B3GAT2: variants seen among roughly 807,000 people sequenced by gnomAD.
B3GAT2 encodes galactosylgalactosylxylosylprotein 3-beta-glucuronosyltransferase 2.
Under a neutral mutation model 27.8 loss-of-function variants are expected in B3GAT2, and 26 were observed. The ratio of observed to expected loss-of-function variants is 0.93; its 90% CI spans 0.68 to 1.30. The LOEUF (loss-of-function observed/expected upper bound fraction) is 1.30, where lower values mean the gene tolerates loss of function less well. Ranked by LOEUF, B3GAT2 falls within the 50% of genes most tolerant of loss-of-function variation. The pLI, the probability that B3GAT2 is intolerant of heterozygous loss-of-function variation, is 0.00. For synonymous variants in B3GAT2, 218 were observed against 195.1 expected (o/e 1.12, Z -0.98); for missense variants, 458 against 459.0 (o/e 1.00, Z 0.02).
intron 2 of B3GAT2, among the ~76,000 whole-genome samples, chr6:70,893,710 T>A (rs1199770077): frequency 6.6e-6 from 1 of 152,172 alleles, no homozygotes; most frequent in Non-Finnish European, 1.5e-5. Flanking sequence ...AATTTTTATA[T>A]CATTGTTAAA....
chr6:70,920,137 G>A lies in B3GAT2; in HGVS notation c.592-25865C>T, dbSNP rs142179557. Among the ~76,000 whole-genome samples the A allele has an allele frequency of 5.0e-3, 754 of 152,220 alleles. 3 individuals carry two copies. Among genetic ancestry groups the A allele is most frequent in the Non-Finnish European group, 8.1e-3 (548 of 67,996 alleles). On this transcript the variant is annotated intron_variant, in intron 1 of 3. Coordinates refer to ENST00000230053, the MANE Select transcript of B3GAT2 (RefSeq NM_080742.3). Reference sequence around the variant, plus strand: ...TCAAGCCTCAGCAATGGTGGACGCCGCTCCCCACCCACCAAGCTCCAGCAT... The same window carrying A: ...TCAAGCCTCAGCAATGGTGGACGCCACTCCCCACCCACCAAGCTCCAGCAT...
intron 2 of B3GAT2, among the ~76,000 whole-genome samples, chr6:70,874,967 T>C (rs893501381): frequency 1.2e-4 from 18 of 151,636 alleles, no homozygotes; most frequent in African/African-American, 4.4e-4. Context: ...CAAATTGATA[T>C]ACTACAATAC....
intron 1 of B3GAT2, among the ~76,000 whole-genome samples, chr6:70,924,164 T>C (rs1048540391): frequency 1.8e-4 from 27 of 152,068 alleles, no homozygotes; most frequent in African/African-American, 6.5e-4. Context: ...ATTTAAAAAA[T>C]AAAACCTACC....
At chr6:70,899,681 A>G (rs521116) in intron 1 of B3GAT2, among the ~76,000 whole-genome samples, 78,989 of 151,986 alleles carry the variant, frequency 0.52, 20,774 homozygotes, top group Middle Eastern at 0.64. Context: ...CTCGACCACT[A>G]TACTATATAG....
intron 1 of B3GAT2, among the ~76,000 whole-genome samples, chr6:70,936,614 CA>C (rs1251292623): frequency 1.3e-5 from 2 of 152,128 alleles, no homozygotes; most frequent in Non-Finnish European, 2.9e-5. Context: ...CAAAACCGCT[CA>C]GCTACATGGA....
intron 1 of B3GAT2, among the ~76,000 whole-genome samples, chr6:70,894,491 C>A (rs1381235980): frequency 6.6e-6 from 1 of 152,128 alleles, no homozygotes; most frequent in African/African-American, 2.4e-5. Flanking sequence ...GGCTAGGGCT[C>A]AAGGTTTAGG....
intron 1 of B3GAT2, among the ~76,000 whole-genome samples, chr6:70,908,410 C>T (rs1376095510): frequency 6.6e-6 from 1 of 152,098 alleles, no homozygotes; most frequent in African/African-American, 2.4e-5. Context: ...CGCTAAAATG[C>T]TATGGTGTTG....
chr6:70,953,350 C>A (rs911021259), intron 1 of B3GAT2, among the ~76,000 whole-genome samples: 17 of 152,168 alleles, frequency 1.1e-4, no homozygotes, highest in Non-Finnish European at 2.2e-4. Flanking sequence ...AATAAACCTA[C>A]GGATTTCCAA....
intron 2 of B3GAT2, among the ~76,000 whole-genome samples, chr6:70,866,097 C>G (rs1290892061): frequency 6.6e-6 from 1 of 152,180 alleles, no homozygotes; most frequent in East Asian, 1.9e-4. Flanking sequence ...AGAGCAAATG[C>G]TCACACAACT....
intron 3 of B3GAT2, 33 bp downstream of exon 3, chr6:70,861,797 C>T: frequency 3.7e-6 from 6 of 1,614,062 alleles, no homozygotes; most frequent in Non-Finnish European, 4.2e-6. Context: ...CATGGTGACA[C>T]TCGAGGTCGG....
intron 1 of B3GAT2, among the ~76,000 whole-genome samples, chr6:70,944,746 C>T (rs1392742032): frequency 2.6e-5 from 4 of 152,188 alleles, no homozygotes; most frequent in Non-Finnish European, 5.9e-5. Context: ...AGCTGGAGAT[C>T]TGAGAACAGG....
At chr6:70,947,367 C>G (rs572762884) in intron 1 of B3GAT2, among the ~76,000 whole-genome samples, 3 of 151,900 alleles carry the variant, frequency 2.0e-5, no homozygotes, top group Non-Finnish European at 4.4e-5. Context: ...AGAGAAAAAT[C>G]AAATAGACAC....
Position 70,955,753 on chromosome 6 carries a change from A to T in B3GAT2, c.591+86T>A. The stretch of plus-strand genomic sequence containing the variant: ...ACTGAGAACTCAAAAGTGCACCCGG[A>T]GTGCAAGGGGCGTGTGACTGCAGCC... On this transcript the variant is annotated intron_variant, in intron 1 of 3. Transcript: ENST00000230053. The T allele has an allele frequency of 2.2e-6, 3 of 1,382,344 alleles. No individual in the cohort carries two copies. The South Asian group carries it at 4.4e-5, about 20-fold the overall frequency. The allele number at this position is 1,382,344 out of a possible 1,614,324, so 85.6% of individuals were successfully genotyped here.
At chr6:70,887,469 C>T (rs2150028833) in intron 2 of B3GAT2, among the ~76,000 whole-genome samples, 1 of 152,244 alleles carries the variant, frequency 6.6e-6, no homozygotes, top group Middle Eastern at 3.4e-3. Flanking sequence ...GCCTGGTAAA[C>T]TTGTAGCGGG....
At chr6:70,886,767 T>C (rs1772193936) in intron 2 of B3GAT2, among the ~76,000 whole-genome samples, 1 of 152,184 alleles carries the variant, frequency 6.6e-6, no homozygotes, top group African/African-American at 2.4e-5. Flanking sequence ...GACACAGTAC[T>C]GTGGGCATCA....
chr6:70,876,082 T>C (rs1772009545), intron 2 of B3GAT2, among the ~76,000 whole-genome samples: 1 of 152,184 alleles, frequency 6.6e-6, no homozygotes, highest in Non-Finnish European at 1.5e-5. Flanking sequence ...AAATAAACCC[T>C]TCAGAGTTTA....
intron 1 of B3GAT2, among the ~76,000 whole-genome samples, chr6:70,929,324 T>A (rs1416694246): frequency 6.6e-6 from 1 of 152,006 alleles, no homozygotes; most frequent in African/African-American, 2.4e-5. Context: ...TGTGCACATG[T>A]ACCCTAGAAC....
At chr6:70,931,291 C>G (rs1466748856) in intron 1 of B3GAT2, among the ~76,000 whole-genome samples, 1 of 151,880 alleles carries the variant, frequency 6.6e-6, no homozygotes, top group Non-Finnish European at 1.5e-5. Flanking sequence ...ATGTAACAAA[C>G]CTGCACGTTG....
At chr6:70,927,930 T>G (rs984617736) in intron 1 of B3GAT2, among the ~76,000 whole-genome samples, 2 of 152,142 alleles carry the variant, frequency 1.3e-5, no homozygotes, top group Admixed American at 1.3e-4. Flanking sequence ...AACCACTTAG[T>G]TGGAAGTAAG....
Sources: gnomAD v4.1 joint callset for allele counts (sites outside exome capture counted in the v4.1 genomes callset) on GRCh38, gnomAD v4.1.1 for gene constraint, MANE v1.5 for transcripts, NCBI Gene and HGNC (gene_info 2026-07-23, HGNC 2026-07-21) for gene names.